Variants in RBFOX1 observed in about 807,000 individuals in gnomAD.
The protein encoded by RBFOX1 is RNA binding fox-1 homolog 1.
In RBFOX1, 8 loss-of-function variants were observed where a neutral mutation model predicts 57.7. That is an observed-to-expected ratio of 0.14 (90% confidence interval 0.08 to 0.25). RBFOX1 has a LOEUF of 0.25. RBFOX1 is among the 10% of genes least tolerant of loss of function. The pLI is 1.00. For synonymous variants in RBFOX1, 326 were observed against 222.4 expected, an observed-to-expected ratio of 1.47 and a Z score of -4.15; for missense variants, 611 against 548.5, an observed-to-expected ratio of 1.11 and a Z score of -1.14.
At chr16:5,964,585 A>G (rs1204182604) in intron 4 of RBFOX1, among the ~76,000 whole-genome samples, 2 of 152,116 alleles carry the variant, frequency 1.3e-5, no homozygotes, top group East Asian at 3.9e-4. Flanking sequence ...ATGTGTGTAT[A>G]TATGCATCTA....
intron 3 of RBFOX1, among the ~76,000 whole-genome samples, chr16:5,858,257 C>T (rs2057121677): frequency 1.3e-5 from 2 of 152,180 alleles, no homozygotes; most frequent in African/African-American, 4.8e-5. Context: ...CAGAGAGCCT[C>T]AGCACCCACT....
chr16:6,555,544 CA>C (rs1206831561), intron 2 of RBFOX1, among the ~76,000 whole-genome samples: 9 of 151,838 alleles, frequency 5.9e-5, no homozygotes, highest in African/African-American at 2.2e-4. Flanking sequence ...CTAAAAAATA[CA>C]AAAAATTAGC....
At chr16:5,488,758 A>C (rs1475337560) in intron 2 of RBFOX1, among the ~76,000 whole-genome samples, 1 of 149,272 alleles carries the variant, frequency 6.7e-6, no homozygotes, top group Non-Finnish European at 1.5e-5. Context: ...TATAGTGATG[A>C]TGGTGATGAT....
chr16:7,506,184 CAAAAAAAAAAAAAAAAAAAAAA>C (rs552568132), intron 4 of RBFOX1, among the ~76,000 whole-genome samples: 1 of 49,942 alleles, frequency 2.0e-5, no homozygotes, highest in Non-Finnish European at 3.4e-5. Context: ...GACTCTGTCT[CAAAAAAAAAAAAAAAAAAAAAA>C]AAAAAAAAAA....
chr16:6,245,640 T>C (rs1426786351), intron 1 of RBFOX1, among the ~76,000 whole-genome samples: 1 of 152,210 alleles, frequency 6.6e-6, no homozygotes, highest in Non-Finnish European at 1.5e-5. Flanking sequence ...TGGTAGGTGC[T>C]TTGTATGCAC....
At chr16:7,211,085 TAAAAAAA>T (rs59344460) in intron 4 of RBFOX1, among the ~76,000 whole-genome samples, 1 of 144,362 alleles carries the variant, frequency 6.9e-6, no homozygotes. Flanking sequence ...TACATACACT[TAAAAAAA>T]AAAAAAAAAG....
Position 7,216,171 on chromosome 16 carries a change from C to A in RBFOX1, c.27+164073C>A, listed in dbSNP as rs541027239. Among the ~76,000 whole-genome samples, 9 of 152,256 alleles carry A rather than the reference C, an allele frequency of 5.9e-5. No individual in the cohort carries two copies. In the South Asian group the frequency reaches 1.9e-3, roughly 32 times the overall value. ...TGTGGATATACCATGTTGTATTTAC[C>A]TCTTTACTAGTTGGTAGATAATTGG... On this transcript the variant is annotated intron_variant, in intron 4 of 15. Transcript: ENST00000550418.
intron 3 of RBFOX1, among the ~76,000 whole-genome samples, chr16:6,880,231 C>G (rs2062659815): frequency 6.6e-6 from 1 of 151,908 alleles, no homozygotes; most frequent in East Asian, 1.9e-4. Flanking sequence ...CGGGGGGTAG[C>G]AACATGACAA....
At chr16:5,498,419 C>T (rs2043076169) in intron 2 of RBFOX1, among the ~76,000 whole-genome samples, 2 of 152,182 alleles carry the variant, frequency 1.3e-5, no homozygotes, top group Non-Finnish European at 1.5e-5. Context: ...GCTGGGATTA[C>T]AGGCGTCTAA....
At chr16:6,519,077 A>G (rs1303115904) in intron 2 of RBFOX1, among the ~76,000 whole-genome samples, 2 of 151,222 alleles carry the variant, frequency 1.3e-5, no homozygotes, top group East Asian at 3.9e-4. Flanking sequence ...AGAAGCTGCC[A>G]CCCATCGTAT....
chr16:7,332,733 G>A (rs1336516252), intron 4 of RBFOX1: 6 of 1,316,222 alleles, frequency 4.6e-6, no homozygotes, highest in African/African-American at 4.4e-5. Flanking sequence ...TGTTAGGCAA[G>A]CTGTTCCCAA....
chr16:6,088,316 C>T (rs981375421), intron 1 of RBFOX1, among the ~76,000 whole-genome samples: 4 of 151,882 alleles, frequency 2.6e-5, no homozygotes, highest in East Asian at 1.9e-4. Flanking sequence ...TTCACAGATG[C>T]GTTTTTGTCA....
chr16:5,923,960 G>T (rs555691733), intron 4 of RBFOX1, among the ~76,000 whole-genome samples: 1 of 152,118 alleles, frequency 6.6e-6, no homozygotes, highest in Non-Finnish European at 1.5e-5. Context: ...ATCTTGAATT[G>T]TAATTCCCAT....
chr16:6,922,558 A>C (rs920335608), intron 3 of RBFOX1, among the ~76,000 whole-genome samples: 1 of 152,084 alleles, frequency 6.6e-6, no homozygotes, highest in African/African-American at 2.4e-5. Flanking sequence ...CATTTCCAGG[A>C]GACAGTTGGC....
At position 5,968,417 on chromosome 16, in the gene RBFOX1, T is replaced by C. The variant is rs1473677522; in HGVS notation, c.351+101082T>C. 2.0e-5 allele frequency among the ~76,000 whole-genome samples: 3 copies of C among 152,176 alleles called. No individual in the cohort carries two copies. In the East Asian group the frequency reaches 5.8e-4, roughly 29 times the overall value. ...GGGACGATCAATGAGGATTCTCTTC[T>C]CTGAGTTACTGCATGTTGTTTACAG... is the stretch of plus-strand genomic sequence containing the variant. On this transcript the variant is annotated intron_variant, in intron 4 of 19. Coordinates refer to the RBFOX1 transcript ENST00000641259.
chr16:6,637,938 C>G (rs111834710), intron 2 of RBFOX1, among the ~76,000 whole-genome samples: 37 of 152,084 alleles, frequency 2.4e-4, no homozygotes, highest in Non-Finnish European at 4.4e-4. Flanking sequence ...ATGACAAAGT[C>G]TCTGTGCTTC....
At chr16:7,389,463 C>G (rs1005573860) in intron 4 of RBFOX1, among the ~76,000 whole-genome samples, 15 of 152,160 alleles carry the variant, frequency 9.9e-5, no homozygotes, top group Admixed American at 9.2e-4. Context: ...TTGGGGTGTG[C>G]TTGCTTCCCC....
At chr16:7,054,344 A>T (rs1371142988) in intron 4 of RBFOX1, among the ~76,000 whole-genome samples, 1 of 147,544 alleles carries the variant, frequency 6.8e-6, no homozygotes, top group East Asian at 2.1e-4. Flanking sequence ...GGTTTAAGCA[A>T]TTCTCGTGCC....
chr16:6,969,542 C>T (rs144267323), intron 3 of RBFOX1, among the ~76,000 whole-genome samples: 17 of 151,698 alleles, frequency 1.1e-4, no homozygotes, highest in African/African-American at 3.9e-4. Context: ...TGAGACCACA[C>T]TGGGCAACAA....
Sources: gnomAD v4.1 joint callset for allele counts (sites outside exome capture counted in the v4.1 genomes callset) on GRCh38, gnomAD v4.1.1 for gene constraint, MANE v1.5 for transcripts, NCBI Gene and HGNC (gene_info 2026-07-23, HGNC 2026-07-21) for gene names.